Variants in BMAL1 observed in about 807,000 individuals in gnomAD.
BMAL1 encodes the protein basic helix-loop-helix ARNT-like protein 1.
chr11:13,277,497 T>C, the BMAL1 span: 3 of 152,114 alleles, frequency 2.0e-5, no homozygotes, highest in Admixed American at 1.3e-4. Flanking sequence ...GCCAAATGAT[T>C]GGTGGCAGGA....
the BMAL1 span, among the ~76,000 whole-genome samples, chr11:13,294,354 A>C: frequency 6.6e-6 from 1 of 152,002 alleles, no homozygotes; most frequent in African/African-American, 2.4e-5. Flanking sequence ...ACCTCATGGA[A>C]TTAGAGGTGA....
At chr11:13,317,697 C>T in the BMAL1 span, among the ~76,000 whole-genome samples, 9 of 152,194 alleles carry the variant, frequency 5.9e-5, no homozygotes, top group Non-Finnish European at 1.2e-4. Flanking sequence ...CAAACAGCTA[C>T]CATTGTCTTC....
At chr11:13,380,897 T>G in the BMAL1 span, 2 of 359,358 alleles carry the variant, frequency 5.6e-6, no homozygotes, top group Non-Finnish European at 1.0e-5. Context: ...AAATCCAGCT[T>G]GTCATCTGTT....
the BMAL1 span, among the ~76,000 whole-genome samples, chr11:13,313,170 G>C: frequency 6.6e-6 from 1 of 152,182 alleles, no homozygotes; most frequent in Non-Finnish European, 1.5e-5. Flanking sequence ...CTCAGGCCTC[G>C]CTTTCTTCAG....
chr11:13,346,579 G>A, the BMAL1 span, among the ~76,000 whole-genome samples: 1 of 152,146 alleles, frequency 6.6e-6, no homozygotes, highest in Non-Finnish European at 1.5e-5. Flanking sequence ...AGGGCAGGCT[G>A]GGCTGTGACT....
the BMAL1 span, among the ~76,000 whole-genome samples, chr11:13,302,589 GTTTA>G: frequency 1.3e-5 from 2 of 152,198 alleles, no homozygotes; most frequent in Admixed American, 6.5e-5. Context: ...TCTGTGTGTG[GTTTA>G]TTTGAGTTCC....
chr11:13,298,139 G>C, the BMAL1 span, among the ~76,000 whole-genome samples: 1 of 152,196 alleles, frequency 6.6e-6, no homozygotes, highest in Non-Finnish European at 1.5e-5. Flanking sequence ...TCATTGTGGT[G>C]CATGTAAGTG....
the BMAL1 span, among the ~76,000 whole-genome samples, chr11:13,316,004 T>G: frequency 2.6e-3 from 393 of 152,386 alleles, no homozygotes; most frequent in South Asian, 4.6e-3. Context: ...TGTGCCTTGT[T>G]AAGGTCTGTT....
At chr11:13,322,895 A>T in the BMAL1 span, among the ~76,000 whole-genome samples, 3 of 140,440 alleles carry the variant, frequency 2.1e-5, no homozygotes, top group East Asian at 4.2e-4. Flanking sequence ...GCTTCAAGGG[A>T]TCTTCCTGCT....
At chr11:13,332,586 G>A in the BMAL1 span, among the ~76,000 whole-genome samples, 2 of 152,152 alleles carry the variant, frequency 1.3e-5, no homozygotes, top group Admixed American at 6.5e-5. Flanking sequence ...AATTATTTCT[G>A]TAGTTAATAA....
At chr11:13,373,038 T>C in the BMAL1 span, among the ~76,000 whole-genome samples, 10 of 152,182 alleles carry the variant, frequency 6.6e-5, no homozygotes. Context: ...ATCTAGGACT[T>C]GGAAGCAATT....
the BMAL1 span, chr11:13,376,761 C>A: frequency 6.3e-7 from 1 of 1,598,802 alleles, no homozygotes; most frequent in South Asian, 1.1e-5. Flanking sequence ...CTGGGGCTTG[C>A]CCGTGGGAAG....
the BMAL1 span, chr11:13,381,219 C>T: frequency 6.2e-7 from 1 of 1,614,142 alleles, no homozygotes; most frequent in Non-Finnish European, 8.5e-7. Context: ...CACGAGTACG[C>T]CTCCCCCTGA....
the BMAL1 span, among the ~76,000 whole-genome samples, chr11:13,346,407 G>A: frequency 6.6e-6 from 1 of 152,182 alleles, no homozygotes; most frequent in African/African-American, 2.4e-5. Context: ...TGAACTGGGG[G>A]TCTTGGATGT....
the BMAL1 span, among the ~76,000 whole-genome samples, chr11:13,284,947 C>G: frequency 4.6e-5 from 7 of 152,162 alleles, no homozygotes; most frequent in Admixed American, 4.6e-4. Flanking sequence ...GCCCGAGGTT[C>G]AGTCCTCCTT....
At chr11:13,308,832 G>T in the BMAL1 span, among the ~76,000 whole-genome samples, 1 of 152,278 alleles carries the variant, frequency 6.6e-6, no homozygotes, top group Admixed American at 6.5e-5. Context: ...GCTTTTGTGG[G>T]GAGGATTGAG....
At chr11:13,381,716 C>T in the BMAL1 span, among the ~76,000 whole-genome samples, 2 of 152,154 alleles carry the variant, frequency 1.3e-5, no homozygotes, top group East Asian at 3.8e-4. Flanking sequence ...GGATCTGCTG[C>T]CTGGGGGTTC....
the BMAL1 span, among the ~76,000 whole-genome samples, chr11:13,346,762 C>A: frequency 6.6e-6 from 1 of 152,168 alleles, no homozygotes; most frequent in Non-Finnish European, 1.5e-5. Flanking sequence ...TTGGGACTCT[C>A]TAGCTTGGAA....
the BMAL1 span, chr11:13,354,262 G>A: frequency 2.6e-5 from 35 of 1,329,580 alleles, no homozygotes; most frequent in Admixed American, 7.3e-5. Context: ...AGAGCTCATC[G>A]AAATAAACAC....
Sources: gnomAD v4.1 joint callset for allele counts (sites outside exome capture counted in the v4.1 genomes callset) on GRCh38, gnomAD v4.1.1 for gene constraint, MANE v1.5 for transcripts, NCBI Gene and HGNC (gene_info 2026-07-23, HGNC 2026-07-21) for gene names.